Variants in BPIFB4 observed in about 807,000 individuals in gnomAD.
The protein encoded by BPIFB4 is BPI fold-containing family B member 4.
Under a neutral mutation model 69.2 loss-of-function variants are expected in BPIFB4, and 62 were observed. The ratio of observed to expected loss-of-function variants is 0.90; its 90% CI spans 0.73 to 1.11. BPIFB4 has a LOEUF of 1.11. BPIFB4 is among the 50% of genes least tolerant of loss of function. The pLI is 0.00. For missense variants in BPIFB4, 789 were observed against 792.0 expected (o/e 1.00, Z 0.04); for synonymous variants, 330 against 332.7 (o/e 0.99, Z 0.09).
At chr20:33,110,580 G>A (rs758219207) in intron 17 of BPIFB4, among the ~76,000 whole-genome samples, 11 of 152,122 alleles carry the variant, frequency 7.2e-5, no homozygotes, top group South Asian at 2.1e-4. Flanking sequence ...CAGTGTTCAC[G>A]GTTTTGTCTG....
intron 14 of BPIFB4, among the ~76,000 whole-genome samples, chr20:33,101,037 C>G (rs1360464161): frequency 2.0e-5 from 3 of 151,982 alleles, no homozygotes; most frequent in African/African-American, 7.3e-5. Flanking sequence ...AGAGCAAGAC[C>G]CTGTCTCTAA....
intron 5 of BPIFB4, 152 bp downstream of exon 5, chr20:33,084,026 A>G (rs1981342603): frequency 2.1e-6 from 2 of 942,328 alleles, no homozygotes; most frequent in South Asian, 3.6e-5. Flanking sequence ...AAGACCCCCA[A>G]GTTACATGGT....
At chr20:33,104,437 G>A (rs539513083) in intron 15 of BPIFB4, among the ~76,000 whole-genome samples, 36 of 152,302 alleles carry the variant, frequency 2.4e-4, no homozygotes, top group African/African-American at 8.7e-4. Flanking sequence ...GGAACCTGGG[G>A]TGTTGGCTCC....
intron 7 of BPIFB4, among the ~76,000 whole-genome samples, chr20:33,086,623 G>A (rs1981437795): frequency 6.6e-6 from 1 of 152,192 alleles, no homozygotes; most frequent in Non-Finnish European, 1.5e-5. Flanking sequence ...AAAACACTTA[G>A]TGATCAGCTG....
chr20:33,096,620 G>C (rs1002331986), intron 12 of BPIFB4, among the ~76,000 whole-genome samples: 3 of 152,150 alleles, frequency 2.0e-5, no homozygotes, highest in Non-Finnish European at 4.4e-5. Context: ...TCTATCCACA[G>C]GACCAAAGAG....
intron 3 of BPIFB4, 121 bp from the exon 4 acceptor site, chr20:33,082,817 T>C (rs1981273519): frequency 1.0e-6 from 1 of 960,456 alleles, no homozygotes; most frequent in Non-Finnish European, 1.7e-6. Flanking sequence ...GTTCAGCCTC[T>C]GCTCTTCGCT....
At chr20:33,100,320 C>T in intron 13 of BPIFB4, 106 bp from the exon 14 acceptor site, 1 of 913,070 alleles carries the variant, frequency 1.1e-6, no homozygotes, top group Non-Finnish European at 1.7e-6. Flanking sequence ...CCATCATGCT[C>T]AGGGTTAACG....
chr20:33,086,337 C>G (rs1401278753), intron 7 of BPIFB4, among the ~76,000 whole-genome samples, 173 bp downstream of exon 7: 1 of 152,210 alleles, frequency 6.6e-6, no homozygotes, highest in African/African-American at 2.4e-5. Flanking sequence ...TGTCCCTGAC[C>G]TGGCACATGC....
chr20:33,080,010 G>C (rs1027996306), intron 1 of BPIFB4, among the ~76,000 whole-genome samples: 15 of 152,190 alleles, frequency 9.9e-5, no homozygotes, highest in Admixed American at 9.8e-4. Flanking sequence ...TCTTCCATCG[G>C]TGCCCATCTT....
intron 7 of BPIFB4, among the ~76,000 whole-genome samples, chr20:33,087,488 A>G (rs1221314492): frequency 1.3e-5 from 2 of 152,142 alleles, no homozygotes; most frequent in Non-Finnish European, 2.9e-5. Flanking sequence ...TTAACTTTTT[A>G]CAGCTACGTA....
In BPIFB4 at chr20:33,083,422, T is replaced by C. The variant is rs995056632; in HGVS notation, c.225T>C (p.Tyr75=). 8 of 1,613,134 alleles carry C rather than the reference T, an allele frequency of 5.0e-6. No individual in the cohort carries two copies. The highest frequency in any genetic ancestry group is 3.3e-5 in the Admixed American group (2 of 59,936). The change falls in exon 5 of 18, where the codon TAT becomes TAC. Residue 75 remains tyrosine, a synonymous_variant. Transcript: ENST00000375483. ...ATGTCCGAGGACCCCCCCCAGTATA[T>C]ACCAACGGCAAAAAACTTGATGGTA... ...DFHVRGPPPV[Y]TNGKKLDGIY...
At chr20:33,083,966 T>C in intron 5 of BPIFB4, 92 bp downstream of exon 5, 1 of 1,406,126 alleles carries the variant, frequency 7.1e-7, no homozygotes, top group Admixed American at 2.5e-5. Context: ...GGAGGGAAGG[T>C]CTTCAGAGCC....
chr20:33,092,567 C>T lies in BPIFB4; in HGVS notation c.1253C>T (p.Ser418Phe). Residue 418 changes from serine to phenylalanine, a missense_variant, in exon 11 of 18, where the codon TCC becomes TTC. Coordinates refer to ENST00000375483, the MANE Select transcript of BPIFB4 (RefSeq NM_182519.3). ...ELPPMGDNTK[S>F]QLAMSANFLG... ...CCTCCCATGGGTGACAACACCAAGT[C>T]CCAGCTGGCCATGTCTGCCAACTTC... 6.2e-7 allele frequency: 1 copy of T among 1,614,090 alleles called. No homozygotes were observed. The highest frequency in any genetic ancestry group is 8.5e-7 in the Non-Finnish European group (1 of 1,180,012).
At chr20:33,094,697 G>A (rs1981707288) in intron 11 of BPIFB4, among the ~76,000 whole-genome samples, 1 of 151,970 alleles carries the variant, frequency 6.6e-6, no homozygotes, top group African/African-American at 2.4e-5. Flanking sequence ...AGTAGAGGCG[G>A]GATTTTCACC....
In BPIFB4 at chr20:33,111,545, A is replaced by G; in HGVS notation, c.*108A>G. 7.1e-7 allele frequency: 1 copy of G among 1,408,906 alleles called. No individual in the cohort carries two copies. Among genetic ancestry groups the G allele is most frequent in the South Asian group, 1.2e-5 (1 of 82,612 alleles). The allele number at this position is 1,408,906 out of a possible 1,614,324, so 87.3% of individuals were successfully genotyped here. The stretch of plus-strand genomic sequence containing the variant: ...CCAGAGTCCCCTCAGCCTCCATGAC[A>G]GGTCCCTCCCTGGCCCCCCAACCCT... On this transcript the variant is annotated 3_prime_UTR_variant, in exon 18 of 18. Transcript: ENST00000375483.
rs1190712967 is a variant in BPIFB4, at chr20:33,090,688, A to T, written c.1052-20A>T. The T allele has an allele frequency of 5.0e-6, 8 of 1,613,390 alleles. No homozygotes were observed. The highest frequency in any genetic ancestry group is 5.9e-6 in the Non-Finnish European group (7 of 1,179,486). On this transcript the variant is annotated intron_variant, in intron 9 of 17. Transcript: ENST00000375483. Reference sequence around the variant, plus strand: ...TGGATGGTGAGGGGACCTCCCTGTGACCCTCTCCTTTGCCTGCAGCTCTGA... The same window carrying T: ...TGGATGGTGAGGGGACCTCCCTGTGTCCCTCTCCTTTGCCTGCAGCTCTGA...
In BPIFB4 at chr20:33,083,798, G is replaced by A. The variant is rs763007966; in HGVS notation, c.601G>A (p.Gly201Arg). ...CGGAGGTGGTCTCCTTGGTGATGGA[G>A]GACTTCTTGGAGGAGGGGGTGTCCT... is the stretch of plus-strand genomic sequence containing the variant. ...LGGGGLLGDGGLLGGGGVLGV... is the reference protein window; with the variant it reads ...LGGGGLLGDGRLLGGGGVLGV... The change falls in exon 5 of 18, where the codon GGA becomes AGA. Residue 201 changes from glycine to arginine, a missense_variant. Gly to Arg is a moderately radical substitution (Grantham distance 125). Coordinates refer to ENST00000375483, the MANE Select transcript of BPIFB4 (RefSeq NM_182519.3). 5.0e-6 allele frequency: 8 copies of A among 1,613,760 alleles called. No individual in the cohort carries two copies. The highest frequency in any genetic ancestry group is 1.7e-5 in the Admixed American group (1 of 60,002).
chr20:33,108,423 C>CTATATATATATATATACATATA (rs756747954), intron 17 of BPIFB4, among the ~76,000 whole-genome samples: 1 of 125,704 alleles, frequency 8.0e-6, no homozygotes, highest in Admixed American at 8.5e-5. Context: ...ATATATATGT[C>CTATATATATATATATACATATA]TATATATATA....
chr20:33,107,771 C>A lies in BPIFB4; in HGVS notation c.1772C>A (p.Pro591His). 6.2e-7 allele frequency: 1 copy of A among 1,614,156 alleles called. No homozygotes were observed. The highest frequency in any genetic ancestry group is 2.2e-5 in the East Asian group (1 of 44,890). The change falls in exon 17 of 18, where the codon CCC becomes CAC. Residue 591 changes from proline to histidine, a missense_variant. Physicochemically the swap from Pro to His is moderately conservative, Grantham distance 77. Around this residue, in one of 3 missense-constraint regions of BPIFB4, gnomAD observed 170 missense variants for 193.6 expected, o/e 0.88. Transcript: ENST00000375483. ...NAVLGSGVPL[P>H]KILNIDFSNA... ...GTGCTGGGTTCTGGCGTCCCTCTCC[C>A]CAAAATCCTCAACATCGACTTTAGC...
Sources: allele counts gnomAD v4.1 joint callset (sites outside exome capture counted in the v4.1 genomes callset), GRCh38; gene constraint gnomAD v4.1.1; regional missense constraint gnomAD v4.1.1; transcripts MANE v1.5; gene names NCBI Gene and HGNC (gene_info 2026-07-23, HGNC 2026-07-21).